VAT1L: variants seen among roughly 807,000 people sequenced by gnomAD.
VAT1L encodes the protein vesicle amine transport 1 like, also known as putative NADPH-dependent quinone oxidoreductase VAT1L.
A neutral mutation model predicts 44.1 loss-of-function variants in VAT1L; 34 were observed. The ratio of observed to expected loss-of-function variants is 0.77; its 90% CI spans 0.59 to 1.03. The LOEUF (loss-of-function observed/expected upper bound fraction) is 1.03. Ranked by LOEUF, VAT1L falls within the 50% of genes least tolerant of loss-of-function variation. The pLI is 0.00. For missense variants in VAT1L, 615 were observed against 538.8 expected (o/e 1.14, Z -1.40); for synonymous variants, 253 against 202.2 (o/e 1.25, Z -2.13).
intron 5 of VAT1L, among the ~76,000 whole-genome samples, chr16:77,878,813 A>T (rs2017117142): frequency 6.6e-6 from 1 of 152,218 alleles, no homozygotes; most frequent in Non-Finnish European, 1.5e-5. Context: ...ATCACAAAGT[A>T]GATTCACTAA....
intron 3 of VAT1L, among the ~76,000 whole-genome samples, chr16:77,826,997 C>A (rs2016530421): frequency 6.6e-6 from 1 of 152,038 alleles, no homozygotes; most frequent in South Asian, 2.1e-4. Context: ...TAGTGTAGAG[C>A]ACATTTCCGT....
chr16:77,863,701 G>A (rs988159825), intron 4 of VAT1L, among the ~76,000 whole-genome samples: 7 of 152,138 alleles, frequency 4.6e-5, no homozygotes, highest in African/African-American at 1.7e-4. Flanking sequence ...AAGGCTTACT[G>A]GGGTGCAAGT....
chr16:77,879,283 CTTTG>C lies in VAT1L; in HGVS notation c.882+63_882+66del, dbSNP rs1447685587. 1.3e-6 allele frequency: 2 copies of C among 1,558,978 alleles called. No individual in the cohort carries two copies. Among genetic ancestry groups the C allele is most frequent in the African/African-American group, 2.7e-5 (2 of 73,652 alleles). ...GGCATGTTGATTCACATGTTGAGAG[CTTTG>C]TTTTTGTTTGTTTGTTTGTTTTGAG... is the stretch of plus-strand genomic sequence containing the variant. On this transcript the variant is annotated intron_variant, in intron 6 of 8. Transcript: ENST00000302536. This position sits in a 1 kb window ranked among gnomAD's most constrained non-coding sequence, Gnocchi z 4.1.
chr16:77,949,866 G>A (rs970426667), intron 7 of VAT1L, among the ~76,000 whole-genome samples: 5 of 152,202 alleles, frequency 3.3e-5, no homozygotes, highest in African/African-American at 1.2e-4. Flanking sequence ...ACATGGCAAT[G>A]CTTGTCCTGC....
intron 2 of VAT1L, among the ~76,000 whole-genome samples, chr16:77,818,412 C>T (rs569214305): frequency 3.9e-5 from 6 of 152,028 alleles, no homozygotes; most frequent in African/African-American, 1.4e-4. Flanking sequence ...TTCTTTTATA[C>T]GAATTTACAT....
intron 3 of VAT1L, among the ~76,000 whole-genome samples, chr16:77,853,446 T>C (rs1271961664): frequency 3.3e-5 from 5 of 152,200 alleles, no homozygotes; most frequent in African/African-American, 1.2e-4. Flanking sequence ...AATGTATAAT[T>C]ATATACGAAT....
intron 7 of VAT1L, among the ~76,000 whole-genome samples, chr16:77,942,679 G>T (rs1330173389): frequency 6.6e-6 from 1 of 152,138 alleles, no homozygotes; most frequent in Non-Finnish European, 1.5e-5. Context: ...ACTTACATGT[G>T]CAGATAGAGC....
chr16:77,905,068 A>G (rs777469913), intron 7 of VAT1L, among the ~76,000 whole-genome samples: 3 of 152,206 alleles, frequency 2.0e-5, no homozygotes, highest in African/African-American at 4.8e-5. Flanking sequence ...ACTGGTGTCA[A>G]GTAAGAGGAA....
At position 77,879,211 on chromosome 16, in the gene VAT1L, G is replaced by A; in HGVS notation, c.869G>A (p.Ser290Asn). The change falls in exon 6 of 9, where the codon AGC becomes AAC. Residue 290 changes from serine (S) to asparagine (N), a missense_variant. Transcript: ENST00000302536. The surrounding 1 kb of genome is among the most constrained non-coding windows in gnomAD (Gnocchi z 4.1). ...MVTGETKSFF[S>N]FAKSWWQVEK... ...ACTGGAGAGACCAAGAGCTTCTTCA[G>A]CTTTGCAAAATCAGTAAGTATCCAG... The A allele has an allele frequency of 6.2e-7, 1 of 1,614,176 alleles. No homozygotes were observed.
chr16:77,897,091 C>G (rs547273338), intron 7 of VAT1L, among the ~76,000 whole-genome samples: 1 of 152,168 alleles, frequency 6.6e-6, no homozygotes, highest in African/African-American at 2.4e-5. Flanking sequence ...ATGTTAATCA[C>G]AGATTCTTTA....
At chr16:77,940,103 C>T (rs2017860761) in intron 7 of VAT1L, among the ~76,000 whole-genome samples, 1 of 152,136 alleles carries the variant, frequency 6.6e-6, no homozygotes, top group Admixed American at 6.5e-5. Context: ...AGAGTCTCAA[C>T]AAGCTCAAAA....
At chr16:77,901,503 C>G (rs1445954373) in intron 7 of VAT1L, among the ~76,000 whole-genome samples, 1 of 152,036 alleles carries the variant, frequency 6.6e-6, no homozygotes, top group Non-Finnish European at 1.5e-5. Flanking sequence ...GCATTTTTTG[C>G]TGCTTTTCCT....
At chr16:77,868,653 C>T (rs2017000062) in intron 4 of VAT1L, among the ~76,000 whole-genome samples, 1 of 152,182 alleles carries the variant, frequency 6.6e-6, no homozygotes, top group Non-Finnish European at 1.5e-5. Context: ...CACTGACTCT[C>T]ACAAAGGAAG....
intron 1 of VAT1L, among the ~76,000 whole-genome samples, chr16:77,803,282 G>A (rs1302250433): frequency 1.3e-5 from 2 of 152,080 alleles, no homozygotes; most frequent in Non-Finnish European, 2.9e-5. Context: ...TACCACATGT[G>A]GCCAAGTGGC....
chr16:77,970,551 A>G (rs419546), intron 7 of VAT1L, among the ~76,000 whole-genome samples: 149,052 of 152,334 alleles, frequency 0.98, 73,001 homozygotes, highest in Middle Eastern at 1. Context: ...TTCTTTAACA[A>G]CCACATATCA....
At chr16:77,916,547 C>G (rs568846510) in intron 7 of VAT1L, among the ~76,000 whole-genome samples, 29 of 152,230 alleles carry the variant, frequency 1.9e-4, no homozygotes, top group Admixed American at 5.2e-4. Context: ...AAACTCTTGG[C>G]CTCAAGCAAT....
At chr16:77,895,320 C>G (rs2017312396) in intron 7 of VAT1L, among the ~76,000 whole-genome samples, 1 of 143,524 alleles carries the variant, frequency 7.0e-6, no homozygotes, top group African/African-American at 2.6e-5. Context: ...GAATGGCCCC[C>G]TAAAGATGTC....
At chr16:77,864,970 T>A (rs2016956953) in intron 4 of VAT1L, among the ~76,000 whole-genome samples, 1 of 138,178 alleles carries the variant, frequency 7.2e-6, no homozygotes, top group East Asian at 2.1e-4. Context: ...TCTTATCCTT[T>A]TTTTTTTTTT....
chr16:77,977,653 G>T lies in VAT1L; in HGVS notation c.1218G>T (p.Glu406Asp). Residue 406 changes from glutamate to aspartate, a missense_variant, in exon 9 of 9, where the codon GAG (glutamate) becomes GAT (aspartate). By Grantham distance (45) the Glu-to-Asp change is conservative. Coordinates refer to ENST00000302536, the MANE Select transcript of VAT1L (RefSeq NM_020927.3). ...SEAGEEEEDH[E>D]GDSENKERMP... The stretch of plus-strand genomic sequence containing the variant: ...CAGGGGAAGAGGAGGAGGACCACGA[G>T]GGAGACAGCGAGAACAAGGAGCGGA... 6.2e-7 allele frequency: 1 copy of T among 1,614,128 alleles called. No homozygotes were observed.
Sources: allele counts gnomAD v4.1 joint callset (sites outside exome capture counted in the v4.1 genomes callset), GRCh38; gene constraint gnomAD v4.1.1; non-coding constraint Gnocchi (gnomAD v3.1); transcripts MANE v1.5; gene names NCBI Gene and HGNC (gene_info 2026-07-23, HGNC 2026-07-21).